Variants in NTM observed in about 807,000 individuals in gnomAD.
NTM encodes the protein neurotrimin.
A neutral mutation model predicts 42.1 loss-of-function variants in NTM; 13 were observed. That is an observed-to-expected ratio of 0.31 (90% CI 0.20 to 0.49). NTM has a LOEUF of 0.49. Among genes scored for constraint, NTM ranks in the 20% least tolerant of loss-of-function variants. The pLI is 0.99. For synonymous variants in NTM, 187 were observed against 179.2 expected (o/e 1.04, Z -0.35); for missense variants, 373 against 452.8 (o/e 0.82, Z 1.60).
At chr11:131,697,579 A>G (rs1001612434) in intron 1 of NTM, among the ~76,000 whole-genome samples, 7 of 152,178 alleles carry the variant, frequency 4.6e-5, no homozygotes, top group African/African-American at 1.7e-4. Context: ...TCCGGGATTT[A>G]TCTTCCAATT....
At chr11:131,775,462 C>CG (rs2086812481) in intron 1 of NTM, among the ~76,000 whole-genome samples, 1 of 152,160 alleles carries the variant, frequency 6.6e-6, no homozygotes, top group Admixed American at 6.6e-5. Flanking sequence ...GATTTTTAGA[C>CG]AGCAGAAATC....
chr11:132,270,163 T>A (rs1471702337), intron 4 of NTM, among the ~76,000 whole-genome samples: 2 of 152,220 alleles, frequency 1.3e-5, no homozygotes, highest in African/African-American at 4.8e-5. Context: ...TGACATAGTC[T>A]CTGTGAGATT....
intron 1 of NTM, among the ~76,000 whole-genome samples, chr11:131,786,216 T>C (rs1406137945): frequency 6.6e-6 from 1 of 152,262 alleles, no homozygotes; most frequent in East Asian, 1.9e-4. Flanking sequence ...GTCTTGGAGC[T>C]GACCACCTTA....
At chr11:132,201,953 G>T (rs1350855108) in intron 3 of NTM, among the ~76,000 whole-genome samples, 1 of 152,120 alleles carries the variant, frequency 6.6e-6, no homozygotes, top group Admixed American at 6.5e-5. Flanking sequence ...CCCTTATTAG[G>T]TCTTCAACAA....
At chr11:132,081,591 A>C (rs1036128106) in intron 2 of NTM, among the ~76,000 whole-genome samples, 5 of 151,970 alleles carry the variant, frequency 3.3e-5, no homozygotes, top group African/African-American at 9.6e-5. Context: ...AATTAGCCGG[A>C]CGTGGTGGCG....
intron 1 of NTM, among the ~76,000 whole-genome samples, chr11:131,443,283 G>A (rs1949771786): frequency 6.6e-6 from 1 of 152,124 alleles, no homozygotes; most frequent in South Asian, 2.1e-4. Context: ...AATGAAGACT[G>A]GCCATATTGT....
intron 2 of NTM, among the ~76,000 whole-genome samples, chr11:131,976,549 C>T (rs1593329438): frequency 6.6e-6 from 1 of 152,144 alleles, no homozygotes; most frequent in Non-Finnish European, 1.5e-5. Flanking sequence ...CTGTTCAACA[C>T]ACAGATAATT....
chr11:131,720,778 C>A (rs745541159), intron 1 of NTM, among the ~76,000 whole-genome samples: 6 of 152,114 alleles, frequency 3.9e-5, no homozygotes, highest in African/African-American at 1.4e-4. Flanking sequence ...GTTCTCATTC[C>A]GTCTCTACCA....
intron 4 of NTM, among the ~76,000 whole-genome samples, chr11:132,256,778 C>T (rs1305383428): frequency 6.6e-6 from 1 of 152,104 alleles, no homozygotes; most frequent in Non-Finnish European, 1.5e-5. Context: ...GCCAATCAGC[C>T]CCACTCTCAC....
chr11:131,688,903 T>C (rs2074288258), intron 1 of NTM, among the ~76,000 whole-genome samples: 1 of 152,248 alleles, frequency 6.6e-6, no homozygotes, highest in African/African-American at 2.4e-5. Flanking sequence ...CAGAGGCCTG[T>C]GAAGCCCCAC....
intron 1 of NTM, among the ~76,000 whole-genome samples, chr11:131,680,427 G>A (rs1436927116): frequency 4.0e-4 from 58 of 146,206 alleles, no homozygotes; most frequent in East Asian, 8.2e-4. Context: ...GTGCCTCTGT[G>A]TCTGTGTGTG....
chr11:131,831,878 G>A (rs1221008005), intron 1 of NTM, among the ~76,000 whole-genome samples: 6 of 149,866 alleles, frequency 4.0e-5, no homozygotes, highest in Non-Finnish European at 7.4e-5. Context: ...AAGCATAAAA[G>A]GTCCCAAAAT....
chr11:132,066,574 T>A (rs1390141820), intron 2 of NTM, among the ~76,000 whole-genome samples: 1 of 152,178 alleles, frequency 6.6e-6, no homozygotes, highest in African/African-American at 2.4e-5. Context: ...TGGCCCCACA[T>A]CAAGACATTG....
At chr11:132,180,850 A>C (rs1486461927) in intron 3 of NTM, among the ~76,000 whole-genome samples, 5 of 152,156 alleles carry the variant, frequency 3.3e-5, no homozygotes, top group Non-Finnish European at 7.4e-5. Context: ...TGTATTCGCT[A>C]CTACCAGCCC....
In NTM at chr11:132,213,896, G is replaced by T. The variant is rs545541883; in HGVS notation, c.526+1749G>T. Among the ~76,000 whole-genome samples, 3 of 116,596 alleles carry T rather than the reference G, an allele frequency of 2.6e-5. 1 individual carries two copies. Among genetic ancestry groups the T allele is most frequent in the Non-Finnish European group, 5.8e-5 (3 of 51,308 alleles). The allele number at this position is 116,596 out of a possible 152,430, so 76.5% of individuals were successfully genotyped here. A position where few individuals can be genotyped will look rare whatever the true frequency, so the allele number is the denominator to read the frequency against. ...ACTACAGGCGCCCGCCACTACGCCC[G>T]GCTAATTTTTTGTATTTTTAGTAGA... is the stretch of plus-strand genomic sequence containing the variant. On this transcript the variant is annotated intron_variant, in intron 4 of 8. Transcript: ENST00000683400.
intron 2 of NTM, among the ~76,000 whole-genome samples, chr11:131,996,534 C>T (rs186651147): frequency 6.6e-6 from 1 of 152,242 alleles, no homozygotes; most frequent in East Asian, 1.9e-4. Context: ...CAAATCCCAC[C>T]TACACACCTT....
chr11:132,069,125 C>A (rs1472241222), intron 2 of NTM, among the ~76,000 whole-genome samples: 1 of 151,578 alleles, frequency 6.6e-6, no homozygotes, highest in Admixed American at 6.6e-5. Context: ...TTAGTTTACA[C>A]GTCACACAGC....
At chr11:131,881,151 C>A (rs568113587) in intron 1 of NTM, among the ~76,000 whole-genome samples, 1 of 152,256 alleles carries the variant, frequency 6.6e-6, no homozygotes, top group African/African-American at 2.4e-5. Context: ...AGGAGGCCTT[C>A]GCTCAGCTGT....
intron 4 of NTM, among the ~76,000 whole-genome samples, chr11:132,213,229 T>C (rs1232891645): frequency 6.6e-6 from 1 of 152,074 alleles, no homozygotes; most frequent in South Asian, 2.1e-4. Context: ...AGGGGGTGCT[T>C]TTGGTCTCAA....
Sources: allele counts gnomAD v4.1 joint callset (sites outside exome capture counted in the v4.1 genomes callset), GRCh38; gene constraint gnomAD v4.1.1; transcripts MANE v1.5; gene names NCBI Gene and HGNC (gene_info 2026-07-23, HGNC 2026-07-21).